The following ABAT variants were observed in gnomAD, a reference collection of about 807,000 sequenced individuals.
ABAT encodes 4-aminobutyrate aminotransferase, also known as 4-aminobutyrate aminotransferase, mitochondrial.
Under a neutral mutation model 64.6 loss-of-function variants are expected in ABAT, and 45 were observed. The ratio of observed to expected loss-of-function variants is 0.70; its 90% CI spans 0.55 to 0.89. The LOEUF (loss-of-function observed/expected upper bound fraction) is 0.89, where lower values mean the gene tolerates loss of function less well. Among genes scored for constraint, ABAT ranks in the 40% least tolerant of loss-of-function variants. The pLI, the probability that ABAT is intolerant of heterozygous loss-of-function variation, is 0.00. For synonymous variants in ABAT, 297 were observed against 250.5 expected, an observed-to-expected ratio of 1.19 and a Z score of -1.75; for missense variants, 633 against 658.4, an observed-to-expected ratio of 0.96 and a Z score of 0.42.
At chr16:8,718,221 G>A (rs1179345266) in intron 1 of ABAT, among the ~76,000 whole-genome samples, 2 of 152,200 alleles carry the variant, frequency 1.3e-5, no homozygotes, top group Non-Finnish European at 2.9e-5. Flanking sequence ...TGGCAGGTGT[G>A]CGCTTAATCC....
rs777126176 is a variant in ABAT at position 8,764,751 on chromosome 16, G to T, written c.461G>T (p.Gly154Val). Residue 154 changes from glycine to valine, a missense_variant, in exon 8 of 16, where the codon GGG becomes GTG. Physicochemically the swap from Gly to Val is moderately radical, Grantham distance 109. Coordinates refer to ENST00000268251, the MANE Select transcript of ABAT (RefSeq NM_020686.6). This position sits in a 1 kb window ranked among gnomAD's most constrained non-coding sequence, Gnocchi z 4.2. ...RQSLLSVAPK[G>V]MSQLITMACG... ...CCCTCCCCACAGGTGGCTCCCAAAG[G>T]GATGTCCCAGCTCATCACCATGGCC... 2 of 1,614,080 alleles carry T rather than the reference G, an allele frequency of 1.2e-6. No individual in the cohort carries two copies. The highest frequency in any genetic ancestry group is 2.2e-5 in the South Asian group (2 of 91,082).
rs561376946 is a variant in ABAT at position 8,741,752 on chromosome 16, T to C, written c.71-4249T>C. Among the ~76,000 whole-genome samples the C allele has an allele frequency of 1.0e-3, 152 of 152,296 alleles. 1 individual carries two copies. The highest frequency in any genetic ancestry group is 1.8e-3 in the Non-Finnish European group (121 of 68,024). ...TTTCCTTTTTTAAAAATGCCAACAT[T>C]GAGATATAGAAGGAAAAGCAGAAGT... On this transcript the variant is annotated intron_variant, in intron 2 of 15. Transcript: ENST00000268251.
At chr16:8,741,250 T>G (rs1357185160) in intron 2 of ABAT, among the ~76,000 whole-genome samples, 1 of 152,254 alleles carries the variant, frequency 6.6e-6, no homozygotes, top group African/African-American at 2.4e-5. Context: ...ACCGGTTTTT[T>G]GCATCTTTGT....
chr16:8,753,418 G>A (rs1300116976), intron 5 of ABAT, among the ~76,000 whole-genome samples: 1 of 152,192 alleles, frequency 6.6e-6, no homozygotes, highest in African/African-American at 2.4e-5. Flanking sequence ...TTCTATGGTA[G>A]CTGCCTTGCA....
chr16:8,766,811 A>C (rs2059959820), intron 9 of ABAT, among the ~76,000 whole-genome samples: 1 of 152,130 alleles, frequency 6.6e-6, no homozygotes, highest in African/African-American at 2.4e-5. Flanking sequence ...TCTACTAAAA[A>C]TACAAAAATT....
intron 5 of ABAT, 24 bp from the exon 6 acceptor site, chr16:8,757,733 C>G (rs1490625189): frequency 1.2e-6 from 2 of 1,613,420 alleles, no homozygotes; most frequent in Non-Finnish European, 1.7e-6. Context: ...AATGAGGTCT[C>G]TAACAATACT....
chr16:8,695,006 C>T (rs74009752), intron 1 of ABAT, among the ~76,000 whole-genome samples: 32 of 152,374 alleles, frequency 2.1e-4, no homozygotes, highest in African/African-American at 7.5e-4. Flanking sequence ...CAGCTGGCAG[C>T]ATTCTGCTGG....
chr16:8,764,944 C>T lies in ABAT; in HGVS notation c.540+114C>T. 5.0e-6 allele frequency: 5 copies of T among 1,005,862 alleles called. No homozygotes were observed. Among genetic ancestry groups the T allele is most frequent in the South Asian group, 2.6e-5 (2 of 75,558 alleles). The allele number at this position is 1,005,862 out of a possible 1,614,324, so 62.3% of individuals were successfully genotyped here. A position where few individuals can be genotyped will look rare whatever the true frequency, so the allele number is the denominator to read the frequency against. On this transcript the variant is annotated intron_variant, in intron 8 of 15. Transcript: ENST00000268251. The surrounding 1 kb of genome is among the most constrained non-coding windows in gnomAD (Gnocchi z 4.2). Reference sequence around the variant, plus strand: ...TGGGCTGGAGTATTAGACATCAGTACCAGGGTTAAAATACAGGGAGGGCCA... The same window carrying T: ...TGGGCTGGAGTATTAGACATCAGTATCAGGGTTAAAATACAGGGAGGGCCA...
chr16:8,678,538 T>C (rs569379961), intron 1 of ABAT, among the ~76,000 whole-genome samples: 2 of 152,368 alleles, frequency 1.3e-5, no homozygotes, highest in East Asian at 3.9e-4. Flanking sequence ...GAAACATCCA[T>C]GCCAGAAATT....
intron 1 of ABAT, among the ~76,000 whole-genome samples, chr16:8,733,292 G>C (rs866342763): frequency 0.014 from 2,103 of 147,588 alleles, 94 homozygotes; most frequent in African/African-American, 0.048. Flanking sequence ...GGAAGAGGTG[G>C]TCCTCACTTC....
intron 6 of ABAT, among the ~76,000 whole-genome samples, chr16:8,762,506 A>G (rs990578406): frequency 2.0e-5 from 3 of 152,218 alleles, no homozygotes; most frequent in African/African-American, 4.8e-5. Context: ...GCCAAAGCCA[A>G]TTATCTTCAT....
In ABAT at chr16:8,733,814, A is replaced by G. The variant is rs536143212; in HGVS notation, c.-41-1885A>G. On this transcript the variant is annotated intron_variant, in intron 1 of 15. Transcript: ENST00000268251. ...TCAGCATGAGAGGGAGACCGTGGAA[A>G]GAGAGGGAGAGGGAGAGGGAGAGGG... is the stretch of plus-strand genomic sequence containing the variant. Among the ~76,000 whole-genome samples the G allele has an allele frequency of 5.6e-3, 824 of 147,526 alleles. 11 individuals carry two copies. Among genetic ancestry groups the G allele is most frequent in the South Asian group, 0.013 (62 of 4,812 alleles).
At chr16:8,754,179 T>TAAAAAAAAAAAAAAAAAAA (rs750745519) in intron 5 of ABAT, among the ~76,000 whole-genome samples, 2 of 63,840 alleles carry the variant, frequency 3.1e-5, no homozygotes, top group Non-Finnish European at 5.7e-5. Context: ...ACCCTGTCTA[T>TAAAAAAAAAAAAAAAAAAA]AAAAAAAAAA....
At chr16:8,719,917 T>C (rs1229123080) in intron 1 of ABAT, among the ~76,000 whole-genome samples, 1 of 152,228 alleles carries the variant, frequency 6.6e-6, no homozygotes, top group East Asian at 1.9e-4. Context: ...GTTTAAGCAA[T>C]TCTCCTGCCT....
In ABAT at chr16:8,776,773, C is replaced by G. The variant is rs1317960931; in HGVS notation, c.1269+283C>G. ...TATTTTTTTAATATTGAGACATGGT[C>G]AAGCTCTGTTAGCCAGTCCGGCCTT... On this transcript the variant is annotated intron_variant, in intron 14 of 15. Coordinates refer to ENST00000268251, the MANE Select transcript of ABAT (RefSeq NM_020686.6). The surrounding 1 kb of genome is among the most constrained non-coding windows in gnomAD (Gnocchi z 4.4). 2.6e-5 allele frequency among the ~76,000 whole-genome samples: 4 copies of G among 152,076 alleles called. No individual in the cohort carries two copies. The highest frequency in any genetic ancestry group is 5.9e-5 in the Non-Finnish European group (4 of 68,032).
rs2060491348 is a variant in ABAT at position 8,783,817 on chromosome 16, C to A, written c.*2387C>A. 6.6e-6 allele frequency: 1 copy of A among 152,158 alleles called. No homozygotes were observed. The highest frequency in any genetic ancestry group is 1.5e-5 in the Non-Finnish European group (1 of 68,026). 9.4% of individuals were successfully genotyped at this position (152,158 alleles called of 1,614,324 possible). A position where few individuals can be genotyped will look rare whatever the true frequency, so the allele number is the denominator to read the frequency against. Reference sequence around the variant, plus strand: ...GGGCTCCAATATTTCGTTCTCTCCCCATGGGGCACTGACAGAGAAATGAAA... The same window carrying A: ...GGGCTCCAATATTTCGTTCTCTCCCAATGGGGCACTGACAGAGAAATGAAA... On this transcript the variant is annotated 3_prime_UTR_variant, in exon 16 of 16. Transcript: ENST00000268251.
At chr16:8,736,416 C>A (rs1731087) in intron 2 of ABAT, 18,817 of 155,074 alleles carry the variant, frequency 0.12, 1,228 homozygotes, top group South Asian at 0.21. Flanking sequence ...CACCCTGGAG[C>A]CACTCTGCCT....
intron 1 of ABAT, among the ~76,000 whole-genome samples, chr16:8,678,599 C>T (rs980938009): frequency 9.2e-5 from 14 of 152,220 alleles, no homozygotes; most frequent in Non-Finnish European, 1.8e-4. Context: ...TTATCAGGGT[C>T]TTTCGAAACT....
intron 1 of ABAT, among the ~76,000 whole-genome samples, chr16:8,727,787 G>T (rs559390783): frequency 6.8e-4 from 104 of 152,300 alleles, no homozygotes; most frequent in Non-Finnish European, 1.3e-3. Flanking sequence ...GTGATGACTT[G>T]GCCAGGAGCG....
Sources: gnomAD v4.1 joint callset for allele counts (sites outside exome capture counted in the v4.1 genomes callset) on GRCh38, gnomAD v4.1.1 for gene constraint, Gnocchi (gnomAD v3.1) non-coding constraint, MANE v1.5 for transcripts, NCBI Gene and HGNC (gene_info 2026-07-23, HGNC 2026-07-21) for gene names.